The following RAB31 variants were observed in gnomAD, a reference collection of about 807,000 sequenced individuals.
RAB31 encodes ras-related protein Rab-31.
RAB31 carries 21 observed loss-of-function variants against 25.6 expected under a neutral mutation model. That is an observed-to-expected ratio of 0.82 (90% confidence interval 0.58 to 1.18). The LOEUF (loss-of-function observed/expected upper bound fraction) is 1.18, where lower values mean the gene tolerates loss of function less well. Ranked by LOEUF, RAB31 falls within the 50% of genes most tolerant of loss-of-function variation. The pLI, the probability that RAB31 is intolerant of heterozygous loss-of-function variation, is 0.00. For missense variants in RAB31, 196 were observed against 250.1 expected, an observed-to-expected ratio of 0.78 and a Z score of 1.46; for synonymous variants, 87 against 84.0, an observed-to-expected ratio of 1.04 and a Z score of -0.20.
At chr18:9,791,392 T>C (rs1170412158) in intron 2 of RAB31, among the ~76,000 whole-genome samples, 2 of 121,464 alleles carry the variant, frequency 1.6e-5, no homozygotes, top group African/African-American at 6.4e-5. Context: ...CACAGTCTTT[T>C]TTTTTTTTTT....
Position 9,759,721 on chromosome 18 carries a change from C to T in RAB31, c.40-15557C>T, listed in dbSNP as rs538813263. Among the ~76,000 whole-genome samples the T allele has an allele frequency of 1.1e-4, 16 of 152,148 alleles. No homozygotes were observed. In the South Asian group the frequency reaches 1.7e-3, roughly 16 times the overall value. On this transcript the variant is annotated intron_variant, in intron 1 of 6. Coordinates refer to ENST00000578921, the MANE Select transcript of RAB31 (RefSeq NM_006868.4). ...AGGGGTGAAAAGGGCAAGGCTATCC[C>T]GAGACCTGTTTCCATACATGGTCGG... is the stretch of plus-strand genomic sequence containing the variant.
Position 9,732,775 on chromosome 18 carries a change from C to A in RAB31, c.39+24331C>A, listed in dbSNP as rs2068130034. 2.0e-5 allele frequency among the ~76,000 whole-genome samples: 3 copies of A among 152,226 alleles called. No homozygotes were observed. The South Asian group carries it at 6.2e-4, about 32-fold the overall frequency. On this transcript the variant is annotated intron_variant, in intron 1 of 6. Transcript: ENST00000578921. ...CCTGGGCTGGAGTCTGAATGCATTG[C>A]TTTCCTCATGCAACAGTATTGACTG...
intron 6 of RAB31, among the ~76,000 whole-genome samples, chr18:9,854,319 C>T (rs536589295): frequency 2.2e-4 from 33 of 152,256 alleles, no homozygotes; most frequent in African/African-American, 7.7e-4. Context: ...TTGTTGGACA[C>T]CTCAGCATTT....
intron 1 of RAB31, among the ~76,000 whole-genome samples, chr18:9,774,108 T>G (rs570107780): frequency 6.6e-6 from 1 of 152,198 alleles, no homozygotes; most frequent in Non-Finnish European, 1.5e-5. Flanking sequence ...GTTAAAAATG[T>G]AAGTTGAAAG....
At chr18:9,844,073 C>A (rs1276556845) in intron 5 of RAB31, among the ~76,000 whole-genome samples, 1 of 152,140 alleles carries the variant, frequency 6.6e-6, no homozygotes, top group Non-Finnish European at 1.5e-5. Flanking sequence ...TCCTTCTGGT[C>A]GAGGATTGTG....
rs180746801 is a variant in RAB31, at chr18:9,770,648, G to T, written c.40-4630G>T. Among the ~76,000 whole-genome samples the T allele has an allele frequency of 6.3e-3, 956 of 152,216 alleles. 32 individuals are homozygous for T. Among genetic ancestry groups the T allele is most frequent in the Admixed American group, 0.053 (816 of 15,280 alleles). Reference sequence around the variant, plus strand: ...AAACACTATCTGGCCCACAGGTAGGGTTTTACTGTACTTTATTTCAGGTTC... The same window carrying T: ...AAACACTATCTGGCCCACAGGTAGGTTTTTACTGTACTTTATTTCAGGTTC... On this transcript the variant is annotated intron_variant, in intron 1 of 6. Coordinates refer to ENST00000578921, the MANE Select transcript of RAB31 (RefSeq NM_006868.4).
chr18:9,836,765 G>T (rs375639782), intron 5 of RAB31, among the ~76,000 whole-genome samples: 19 of 152,118 alleles, frequency 1.2e-4, no homozygotes, highest in Admixed American at 9.8e-4. Context: ...GGAACAGGGT[G>T]AAGCACATGG....
chr18:9,757,485 G>GAGT (rs994134922), intron 1 of RAB31, among the ~76,000 whole-genome samples: 3 of 152,242 alleles, frequency 2.0e-5, no homozygotes, highest in African/African-American at 7.2e-5. Flanking sequence ...GACCTTCAGA[G>GAGT]AGTAATGCCC....
chr18:9,859,163 A>G, intron 6 of RAB31, 65 bp from the exon 7 acceptor site: 1 of 1,381,380 alleles, frequency 7.2e-7, no homozygotes, highest in Non-Finnish European at 1.0e-6. Context: ...AGCAGGGTGA[A>G]AATCTGTGTG....
At chr18:9,847,937 T>G (rs746779931) in intron 6 of RAB31, among the ~76,000 whole-genome samples, 1 of 152,082 alleles carries the variant, frequency 6.6e-6, no homozygotes, top group Non-Finnish European at 1.5e-5. Context: ...ACAGGGACTT[T>G]GAACAGGTTA....
In RAB31 at chr18:9,708,471, G is replaced by A. The variant is rs774686501; in HGVS notation, c.39+27G>A. 2.6e-6 allele frequency: 4 copies of A among 1,545,008 alleles called. No individual in the cohort carries two copies. The highest frequency in any genetic ancestry group is 2.0e-5 in the Admixed American group (1 of 50,710). ...TGAGTCCTGGCCGCCACCCGCCGGC[G>A]GACCCCGGCCCGCGCTCTCGCGCCC... is the stretch of plus-strand genomic sequence containing the variant. On this transcript the variant is annotated intron_variant, in intron 1 of 6. Coordinates refer to ENST00000578921, the MANE Select transcript of RAB31 (RefSeq NM_006868.4). The surrounding 1 kb of genome is among the most constrained non-coding windows in gnomAD (Gnocchi z 6.4).
intron 1 of RAB31, among the ~76,000 whole-genome samples, chr18:9,712,224 G>T (rs1360551236): frequency 6.6e-6 from 1 of 152,250 alleles, no homozygotes; most frequent in African/African-American, 2.4e-5. Flanking sequence ...GGAAAACCAA[G>T]GACTGAAGAG....
chr18:9,807,097 G>A (rs2068545566), intron 3 of RAB31, among the ~76,000 whole-genome samples: 1 of 152,212 alleles, frequency 6.6e-6, no homozygotes, highest in Admixed American at 6.5e-5. Context: ...AGGTGCGGCT[G>A]CGTGAGAGCT....
intron 1 of RAB31, among the ~76,000 whole-genome samples, chr18:9,744,147 C>T (rs2068193741): frequency 6.6e-6 from 1 of 152,212 alleles, no homozygotes; most frequent in African/African-American, 2.4e-5. Context: ...TTGGAATTAG[C>T]AGAAAACATT....
chr18:9,820,966 G>A (rs1249166676), intron 5 of RAB31, among the ~76,000 whole-genome samples: 1 of 151,904 alleles, frequency 6.6e-6, no homozygotes, highest in Non-Finnish European at 1.5e-5. Context: ...GGTTCGCTAA[G>A]GAGAAAGGTT....
At chr18:9,756,836 C>T (rs1028011455) in intron 1 of RAB31, among the ~76,000 whole-genome samples, 1 of 152,260 alleles carries the variant, frequency 6.6e-6, no homozygotes, top group Non-Finnish European at 1.5e-5. Context: ...TAAAATTCCA[C>T]CACTGTGTGG....
intron 1 of RAB31, among the ~76,000 whole-genome samples, chr18:9,756,653 A>G (rs184442650): frequency 1.7e-3 from 253 of 152,218 alleles, no homozygotes; most frequent in Non-Finnish European, 2.9e-3. Context: ...ATGTAAGCCA[A>G]GCTGTCATTG....
rs532913925 is a variant in RAB31 at position 9,714,129 on chromosome 18, G to A, written c.39+5685G>A. Among the ~76,000 whole-genome samples, 11 of 152,284 alleles carry A rather than the reference G, an allele frequency of 7.2e-5. No homozygotes were observed. The South Asian group carries it at 2.3e-3, about 32-fold the overall frequency. ...TTTAGTGAGTGTGATATATCCTTTAGGTCTGCTCTAAGGCCACAGCCATGA... is the reference window on the plus strand; with the variant it reads ...TTTAGTGAGTGTGATATATCCTTTAAGTCTGCTCTAAGGCCACAGCCATGA... On this transcript the variant is annotated intron_variant, in intron 1 of 6. Transcript: ENST00000578921.
At chr18:9,855,251 A>G (rs1368816920) in intron 6 of RAB31, among the ~76,000 whole-genome samples, 2 of 135,194 alleles carry the variant, frequency 1.5e-5, no homozygotes, top group Admixed American at 1.4e-4. Flanking sequence ...ACTGAACTTA[A>G]AAAAAAAAAA....
Sources: allele counts gnomAD v4.1 joint callset (sites outside exome capture counted in the v4.1 genomes callset), GRCh38; gene constraint gnomAD v4.1.1; non-coding constraint Gnocchi (gnomAD v3.1); transcripts MANE v1.5; gene names NCBI Gene and HGNC (gene_info 2026-07-23, HGNC 2026-07-21).